The following FAS variants were observed in gnomAD, a reference collection of about 807,000 sequenced individuals.
FAS encodes tumor necrosis factor receptor superfamily member 6.
A neutral mutation model predicts 33.2 loss-of-function variants in FAS; 5 were observed. That is an observed-to-expected ratio of 0.15 (90% CI 0.08 to 0.32). The LOEUF (loss-of-function observed/expected upper bound fraction) is 0.32, where lower values mean the gene tolerates loss of function less well. Among genes scored for constraint, FAS ranks in the 10% least tolerant of loss-of-function variants. The pLI, the probability that FAS is intolerant of heterozygous loss-of-function variation, is 1.00. For synonymous variants in FAS, 131 were observed against 130.7 expected (o/e 1.00, Z -0.01); for missense variants, 339 against 386.0 (o/e 0.88, Z 1.02).
intron 1 of FAS, among the ~76,000 whole-genome samples, chr10:88,998,968 C>T (rs1847765050): frequency 6.6e-6 from 1 of 151,982 alleles, no homozygotes; most frequent in Non-Finnish European, 1.5e-5. Flanking sequence ...ATCTGGCCAA[C>T]ATGGTGAAAC....
Position 88,990,953 on chromosome 10 carries a change from G to C in FAS, c.30+47G>C. Reference sequence around the variant, plus strand: ...TGGAGGCTTACCCCGTCTTAGTCCCGGGGATAGGCAAAGTGGGGCGGGCGC... The same window carrying C: ...TGGAGGCTTACCCCGTCTTAGTCCCCGGGATAGGCAAAGTGGGGCGGGCGC... On this transcript the variant is annotated intron_variant, in intron 1 of 8. Coordinates refer to ENST00000652046, the MANE Select transcript of FAS (RefSeq NM_000043.6). This position sits in a 1 kb window ranked among gnomAD's most constrained non-coding sequence, Gnocchi z 4.9. 1 of 1,613,632 alleles carries C rather than the reference G, an allele frequency of 6.2e-7. No homozygotes were observed. The highest frequency in any genetic ancestry group is 8.5e-7 in the Non-Finnish European group (1 of 1,179,594).
At chr10:88,978,728 C>T (rs1005339658) in intron 2 of FAS, among the ~76,000 whole-genome samples, 5 of 152,134 alleles carry the variant, frequency 3.3e-5, no homozygotes, top group Non-Finnish European at 7.3e-5. Context: ...GTCTGGGTCA[C>T]CCTGAGAGGG....
intron 6 of FAS, 99 bp downstream of exon 6, chr10:89,010,914 T>C (rs1351954546): frequency 4.5e-6 from 6 of 1,344,154 alleles, no homozygotes; most frequent in Non-Finnish European, 6.4e-6. Context: ...ACCACTTTGG[T>C]AGATTTATGT....
chr10:88,965,592 A>G (rs1846304765), intron 1 of FAS, among the ~76,000 whole-genome samples: 2 of 152,158 alleles, frequency 1.3e-5, no homozygotes. Flanking sequence ...ATCGACCACC[A>G]AAAGCCAATG....
intron 2 of FAS, among the ~76,000 whole-genome samples, chr10:88,979,493 T>C (rs758864834): frequency 2.0e-5 from 3 of 152,192 alleles, no homozygotes; most frequent in Non-Finnish European, 4.4e-5. Context: ...GGGATGATTT[T>C]AAACAGTAAT....
upstream of FAS, among the ~76,000 whole-genome samples, chr10:88,982,345 T>C (rs999427569): frequency 1.3e-5 from 2 of 152,252 alleles, no homozygotes; most frequent in African/African-American, 4.8e-5. Flanking sequence ...AAAAGTTGCA[T>C]GTGTATGAAG....
chr10:89,011,526 G>A (rs1848527872), intron 6 of FAS, among the ~76,000 whole-genome samples: 1 of 152,232 alleles, frequency 6.6e-6, no homozygotes, highest in South Asian at 2.1e-4. Flanking sequence ...TTTAAGCACT[G>A]TAATTGTGCT....
At chr10:88,978,357 A>G (rs1177167529) in intron 2 of FAS, among the ~76,000 whole-genome samples, 1 of 151,746 alleles carries the variant, frequency 6.6e-6, no homozygotes, top group Non-Finnish European at 1.5e-5. Flanking sequence ...TATGTAACTA[A>G]CCTGCATAAT....
At chr10:89,007,480 G>T (rs963700271) in intron 2 of FAS, among the ~76,000 whole-genome samples, 6 of 151,688 alleles carry the variant, frequency 4.0e-5, no homozygotes, top group East Asian at 3.9e-4. Flanking sequence ...CTATTTCTAT[G>T]GGCTTCAGTC....
chr10:88,988,002 G>A (rs548133279), upstream of FAS, among the ~76,000 whole-genome samples: 6 of 152,146 alleles, frequency 3.9e-5, no homozygotes, highest in South Asian at 4.2e-4. Flanking sequence ...GCCAGCAGAC[G>A]GCCTTTGGAC....
chr10:89,007,117 T>A (rs1848271723), intron 2 of FAS, among the ~76,000 whole-genome samples: 1 of 152,242 alleles, frequency 6.6e-6, no homozygotes, highest in Non-Finnish European at 1.5e-5. Flanking sequence ...GAAATATTAC[T>A]ATCTCCATCA....
At chr10:88,983,813 AACCC>A (rs909911790), upstream of FAS, among the ~76,000 whole-genome samples, 42 of 152,290 alleles carry the variant, frequency 2.8e-4, no homozygotes, top group African/African-American at 9.6e-4. Context: ...AACTTTGATA[AACCC>A]ATTGAATGAC....
At chr10:88,990,444 G>T (rs926553034), upstream of FAS, 9 of 497,688 alleles carry the variant, frequency 1.8e-5, no homozygotes, top group African/African-American at 1.5e-4. This position sits in a 1 kb window ranked among gnomAD's most constrained non-coding sequence, Gnocchi z 4.9. Flanking sequence ...AAGTGAGCAT[G>T]CCAGCCACTG....
intron 1 of FAS, among the ~76,000 whole-genome samples, chr10:89,001,395 C>G (rs952681027): frequency 6.6e-6 from 1 of 150,916 alleles, no homozygotes; most frequent in African/African-American, 2.4e-5. Context: ...CTTTTGGTTC[C>G]TTTTCAGATC....
chr10:88,979,468 T>C (rs554327102), intron 2 of FAS, among the ~76,000 whole-genome samples: 2 of 152,180 alleles, frequency 1.3e-5, no homozygotes, highest in Non-Finnish European at 2.9e-5. Context: ...CCTTAAAATG[T>C]AGGCTACTCA....
chr10:89,008,780 G>A (rs1011466907), intron 3 of FAS, 109 bp from the exon 4 acceptor site: 2 of 959,398 alleles, frequency 2.1e-6, no homozygotes, highest in East Asian at 2.4e-5. Flanking sequence ...TGCTGTGACT[G>A]TTGATATAAG....
rs79014610 is a variant in FAS at position 89,014,522 on chromosome 10, A to T, written c.*72A>T. On this transcript the variant is annotated 3_prime_UTR_variant, in exon 9 of 9. Transcript: ENST00000652046. ...GAAAAGATTCTTAATAGCTGGCTGT[A>T]AATACTGCTTGGTTTTTTACTGGGT... The T allele has an allele frequency of 1.9e-5, 27 of 1,417,592 alleles. No homozygotes were observed. The highest frequency in any genetic ancestry group is 2.5e-5 in the Non-Finnish European group (26 of 1,026,374). 87.8% of individuals were successfully genotyped at this position (1,417,592 alleles called of 1,614,324 possible). A position where few individuals can be genotyped will look rare whatever the true frequency, so the allele number is the denominator to read the frequency against.
chr10:89,012,130 A>T, intron 7 of FAS, 49 bp downstream of exon 7: 1 of 1,496,088 alleles, frequency 6.7e-7, no homozygotes, highest in Non-Finnish European at 9.3e-7. Context: ...AAAATAGAGA[A>T]ATTAGTGATT....
intron 2 of FAS, among the ~76,000 whole-genome samples, chr10:88,976,841 A>C (rs1846575956): frequency 6.6e-6 from 1 of 152,262 alleles, no homozygotes; most frequent in African/African-American, 2.4e-5. Flanking sequence ...ATTGAATAAA[A>C]TAATTCTTTC....
Sources: allele counts gnomAD v4.1 joint callset (sites outside exome capture counted in the v4.1 genomes callset), GRCh38; gene constraint gnomAD v4.1.1; non-coding constraint Gnocchi (gnomAD v3.1); transcripts MANE v1.5; gene names NCBI Gene and HGNC (gene_info 2026-07-23, HGNC 2026-07-21).